Variants in SEL1L3 observed in about 807,000 individuals in gnomAD.
SEL1L3 encodes the protein SEL1L family member 3.
In SEL1L3, 76 loss-of-function variants were observed where a neutral mutation model predicts 142.8. That is an observed-to-expected ratio of 0.53 (90% CI 0.44 to 0.64). The LOEUF is 0.64. SEL1L3 is among the 30% of genes least tolerant of loss of function. The pLI, the probability that SEL1L3 is intolerant of heterozygous loss-of-function variation, is 0.00. For synonymous variants in SEL1L3, 504 were observed against 519.6 expected (o/e 0.97, Z 0.41); for missense variants, 1,262 against 1,381.7 (o/e 0.91, Z 1.37).
chr4:25,739,444 C>T, the SEL1L3 span, among the ~76,000 whole-genome samples: 184 of 152,120 alleles, frequency 1.2e-3, 1 homozygote, highest in African/African-American at 4.2e-3. Context: ...TGGTGGCTCA[C>T]GCCTGTAATC....
At chr4:25,818,311 C>A in intron 8 of SEL1L3, 33 bp from the exon 9 acceptor site, 2 of 1,563,622 alleles carry the variant, frequency 1.3e-6, no homozygotes, top group Middle Eastern at 1.7e-4. Context: ...GATATCACAC[C>A]CTTTAGCAGA....
At chr4:25,756,779 G>A (rs1347208064) in intron 23 of SEL1L3, 10 of 1,175,684 alleles carry the variant, frequency 8.5e-6, no homozygotes, top group South Asian at 1.7e-5. Flanking sequence ...CCGTGTGGCC[G>A]AGGATTTTTA....
chr4:25,737,954 A>G, the SEL1L3 span, among the ~76,000 whole-genome samples: 1 of 152,078 alleles, frequency 6.6e-6, no homozygotes, highest in African/African-American at 2.4e-5. Flanking sequence ...CAATAGCACC[A>G]TCTTGGCTGA....
chr4:25,777,527 G>A (rs1719717333), intron 16 of SEL1L3: 3 of 242,258 alleles, frequency 1.2e-5, no homozygotes, highest in African/African-American at 2.3e-5. Flanking sequence ...GATCCAGCAA[G>A]TTCAGAAAGT....
intron 10 of SEL1L3, 99 bp from the exon 11 acceptor site, chr4:25,802,561 C>T (rs1465425963): frequency 6.2e-6 from 6 of 971,480 alleles, no homozygotes; most frequent in Non-Finnish European, 7.6e-6. Context: ...ATATACAATC[C>T]TAGCCATTCC....
chr4:25,752,698 G>A lies in SEL1L3; in HGVS notation c.3260-4134C>T, dbSNP rs565411213. On this transcript the variant is annotated intron_variant, in intron 23 of 23. Transcript: ENST00000399878. ...TGCAATGGAGCAATCTGGGCTCTCT[G>A]CAGCCTCTGCCTCCCAGCTTCAGGT... Among the ~76,000 whole-genome samples the A allele has an allele frequency of 6.7e-4, 102 of 152,156 alleles. 1 individual carries two copies. The highest frequency in any genetic ancestry group is 1.3e-3 in the Non-Finnish European group (88 of 68,030).
intron 23 of SEL1L3, chr4:25,756,171 G>A: frequency 2.0e-6 from 2 of 985,370 alleles, no homozygotes; most frequent in Admixed American, 6.1e-5. Context: ...GCCATGTCCA[G>A]TCCTAATCTA....
rs1208628365 is a variant in SEL1L3 at position 25,862,831 on chromosome 4, CT to C, written c.5del (p.Gln2ArgfsTer53). 7 of 1,126,382 alleles carry C rather than the reference CT, an allele frequency of 6.2e-6. No homozygotes were observed. Among genetic ancestry groups the C allele is most frequent in the Non-Finnish European group, 7.6e-6 (7 of 921,882 alleles). 69.8% of individuals were successfully genotyped at this position (1,126,382 alleles called of 1,614,324 possible). On this transcript the variant is annotated frameshift_variant, in exon 1 of 24. Transcript: ENST00000399878. LOFTEE classifies it high-confidence loss of function. M[Q>X]RRGAGLGWPR... is the part of the protein sequence containing the mutation. ...GCCACCCGAGCCCCGCGCCGCGCCG[CT>C]GCATGGCGAGGCCGCCCGGATCCGG...
the SEL1L3 span, chr4:25,720,356 A>C: frequency 6.6e-6 from 1 of 152,166 alleles, no homozygotes; most frequent in African/African-American, 2.4e-5. Flanking sequence ...TTTTACATAT[A>C]AATATTAAGT....
At chr4:25,740,894 C>T in the SEL1L3 span, among the ~76,000 whole-genome samples, 11 of 151,934 alleles carry the variant, frequency 7.2e-5, no homozygotes, top group African/African-American at 2.7e-4. Context: ...AAGGGATTCT[C>T]TTGCCTCAGC....
rs1490690706 is a variant in SEL1L3, at chr4:25,779,097, C to T, written c.2564G>A (p.Arg855Lys). ...TTACACAACAGCTTTCTCAGGATCTCTAGGGAATGTCTCCAGGTTGCCTGT... is the reference window on the plus strand; with the variant it reads ...TTACACAACAGCTTTCTCAGGATCTTTAGGGAATGTCTCCAGGTTGCCTGT... ...YITGNLETFP[R>K]DPEKAVVWAK... Residue 855 changes from arginine to lysine, a missense_variant, in exon 16 of 24, where the codon AGA becomes AAA. Around this residue, in one of 3 missense-constraint regions of SEL1L3, gnomAD observed 435 missense variants for 559.2 expected, o/e 0.78. Transcript: ENST00000399878. 1 of 1,613,448 alleles carries T rather than the reference C, an allele frequency of 6.2e-7. No individual in the cohort carries two copies. Among genetic ancestry groups the T allele is most frequent in the African/African-American group, 1.3e-5 (1 of 74,886 alleles).
intron 5 of SEL1L3, among the ~76,000 whole-genome samples, chr4:25,831,737 C>G (rs957647170): frequency 6.6e-6 from 1 of 151,898 alleles, no homozygotes; most frequent in African/African-American, 2.4e-5. Flanking sequence ...GTTGGCCAGG[C>G]TGGTCTCCTG....
intron 4 of SEL1L3, 28 bp downstream of exon 4, chr4:25,833,420 C>G (rs376462053): frequency 6.3e-7 from 1 of 1,594,650 alleles, no homozygotes; most frequent in South Asian, 1.1e-5. Context: ...ATTACAATAT[C>G]ATTTTAAAGG....
intron 1 of SEL1L3, among the ~76,000 whole-genome samples, chr4:25,859,343 T>C (rs1231861895): frequency 6.6e-6 from 1 of 152,238 alleles, no homozygotes; most frequent in East Asian, 1.9e-4. Flanking sequence ...GAACCAGGGA[T>C]CATCTTTTCA....
intron 1 of SEL1L3, among the ~76,000 whole-genome samples, chr4:25,857,646 A>G (rs952401267): frequency 2.2e-4 from 34 of 152,224 alleles, no homozygotes; most frequent in African/African-American, 7.7e-4. Context: ...CCCAAGGTCA[A>G]CCAGCTACCA....
At chr4:25,751,131 G>C (rs1000384743) in intron 23 of SEL1L3, among the ~76,000 whole-genome samples, 1 of 152,184 alleles carries the variant, frequency 6.6e-6, no homozygotes, top group African/African-American at 2.4e-5. Flanking sequence ...GGGGAGGTTT[G>C]TGGCCAGGCA....
intron 14 of SEL1L3, among the ~76,000 whole-genome samples, chr4:25,784,000 A>G (rs1711601150): frequency 1.3e-5 from 2 of 152,208 alleles, no homozygotes; most frequent in East Asian, 3.9e-4. Flanking sequence ...AGGTGAATTC[A>G]GCTTTTGAAT....
intron 11 of SEL1L3, among the ~76,000 whole-genome samples, chr4:25,799,578 G>A (rs1428248327): frequency 2.0e-5 from 3 of 152,156 alleles, no homozygotes; most frequent in Admixed American, 6.6e-5. Context: ...GAGGGGAGAC[G>A]ATGAGCAACA....
intron 1 of SEL1L3, among the ~76,000 whole-genome samples, chr4:25,859,304 G>A (rs1717513979): frequency 6.6e-6 from 1 of 152,220 alleles, no homozygotes; most frequent in African/African-American, 2.4e-5. Flanking sequence ...TTGGCCTTTG[G>A]TGACCTCAGA....
Sources: allele counts gnomAD v4.1 joint callset (sites outside exome capture counted in the v4.1 genomes callset), GRCh38; gene constraint gnomAD v4.1.1; regional missense constraint gnomAD v4.1.1; transcripts MANE v1.5; gene names NCBI Gene and HGNC (gene_info 2026-07-23, HGNC 2026-07-21).